Variants in UBE2R2 observed in about 807,000 individuals in gnomAD.
UBE2R2 encodes the protein ubiquitin-conjugating enzyme E2 R2.
In UBE2R2, 1 loss-of-function variant was observed where a neutral mutation model predicts 27.8. The ratio of observed to expected loss-of-function variants is 0.04; its 90% CI spans 0.01 to 0.17. The LOEUF is 0.17. UBE2R2 is among the 10% of genes least tolerant of loss of function. The probability of loss-of-function intolerance (pLI) is 1.00; values close to 1 mark genes in which losing one functional copy is unlikely to be tolerated. For synonymous variants in UBE2R2, 106 were observed against 113.3 expected (o/e 0.94, Z 0.41); for missense variants, 100 against 291.0 (o/e 0.34, Z 4.78).
At chr9:33,899,477 C>G (rs183125654) in intron 2 of UBE2R2, among the ~76,000 whole-genome samples, 1 of 152,108 alleles carries the variant, frequency 6.6e-6, no homozygotes, top group East Asian at 1.9e-4. Context: ...CAGGTTCAAG[C>G]GATTCTCCTG....
intron 1 of UBE2R2, among the ~76,000 whole-genome samples, chr9:33,843,562 T>C (rs1490775074): frequency 6.6e-6 from 1 of 151,994 alleles, no homozygotes; most frequent in Non-Finnish European, 1.5e-5. Flanking sequence ...CACTGCAACC[T>C]CTGCCTCCTG....
chr9:33,818,354 C>G (rs1447247748), intron 1 of UBE2R2, among the ~76,000 whole-genome samples: 1 of 99,054 alleles, frequency 1.0e-5, no homozygotes, highest in Non-Finnish European at 1.8e-5. Flanking sequence ...CTGGATTGGA[C>G]TTTTCTTTTT....
At chr9:33,826,410 GC>G (rs1354601968) in intron 1 of UBE2R2, among the ~76,000 whole-genome samples, 1 of 151,972 alleles carries the variant, frequency 6.6e-6, no homozygotes, top group Admixed American at 6.6e-5. Flanking sequence ...TATTTAAGAT[GC>G]AAAGTGGCTA....
intron 2 of UBE2R2, 69 bp from the exon 3 acceptor site, chr9:33,900,105 T>C: frequency 7.9e-7 from 1 of 1,259,136 alleles, no homozygotes; most frequent in African/African-American, 1.5e-5. Context: ...AAGGAAACTT[T>C]AGAACCGATG....
chr9:33,903,393 C>T (rs1001868606), intron 3 of UBE2R2, among the ~76,000 whole-genome samples: 1 of 152,038 alleles, frequency 6.6e-6, no homozygotes, highest in African/African-American at 2.4e-5. Context: ...GCTGGTTGAA[C>T]GTTGAATCAA....
intron 1 of UBE2R2, among the ~76,000 whole-genome samples, chr9:33,884,636 T>G (rs1258639309): frequency 6.6e-6 from 1 of 152,218 alleles, no homozygotes; most frequent in Admixed American, 6.5e-5. Flanking sequence ...TGAAACACCA[T>G]TCTCATGCTT....
At chr9:33,900,853 C>T (rs1822227601) in intron 3 of UBE2R2, among the ~76,000 whole-genome samples, 1 of 152,148 alleles carries the variant, frequency 6.6e-6, no homozygotes, top group South Asian at 2.1e-4. Flanking sequence ...TAGGCATGAG[C>T]CACTGTGCCC....
intron 3 of UBE2R2, among the ~76,000 whole-genome samples, chr9:33,903,243 GGAT>G (rs1209472502): frequency 1.3e-5 from 2 of 152,020 alleles, no homozygotes; most frequent in Non-Finnish European, 2.9e-5. Context: ...AAAATATTTT[GGAT>G]GATTTGTTGA....
intron 1 of UBE2R2, among the ~76,000 whole-genome samples, chr9:33,877,428 C>G (rs1379172217): frequency 6.6e-6 from 1 of 151,792 alleles, no homozygotes; most frequent in African/African-American, 2.4e-5. Context: ...GTGATCCGCC[C>G]GCCTCAGCCT....
At chr9:33,828,169 G>T (rs1820357055) in intron 1 of UBE2R2, among the ~76,000 whole-genome samples, 1 of 151,262 alleles carries the variant, frequency 6.6e-6, no homozygotes. Flanking sequence ...GGTTGTGGTA[G>T]CACGCGCCTA....
intron 1 of UBE2R2, among the ~76,000 whole-genome samples, chr9:33,826,759 T>C (rs1820324330): frequency 6.6e-6 from 1 of 151,986 alleles, no homozygotes; most frequent in African/African-American, 2.4e-5. Context: ...CTTTATTTGA[T>C]TTAGTAACAA....
intron 1 of UBE2R2, among the ~76,000 whole-genome samples, chr9:33,845,250 CTTTT>C (rs775624392): frequency 7.1e-6 from 1 of 140,102 alleles, no homozygotes; most frequent in Non-Finnish European, 1.6e-5. Flanking sequence ...GTGGCACAAT[CTTTT>C]TTTTTTTTTT....
At chr9:33,849,206 G>A (rs1317966427) in intron 1 of UBE2R2, among the ~76,000 whole-genome samples, 1 of 152,006 alleles carries the variant, frequency 6.6e-6, no homozygotes, top group Non-Finnish European at 1.5e-5. Flanking sequence ...GCGGTGAGCC[G>A]AGATCTCGCC....
At chr9:33,862,329 A>T (rs138596083) in intron 1 of UBE2R2, among the ~76,000 whole-genome samples, 1 of 152,294 alleles carries the variant, frequency 6.6e-6, no homozygotes, top group Non-Finnish European at 1.5e-5. Context: ...GTTGTCATAC[A>T]CACCTCATAT....
rs1199864848 is a variant in UBE2R2 at position 33,892,920 on chromosome 9, AAG to A, written c.264+5955_264+5956del. Reference sequence around the variant, plus strand: ...CCAATAACTTCCTTATTAAAAAAAAAAGAATTTATTGAGATGAAATTCACATA... The same window carrying A: ...CCAATAACTTCCTTATTAAAAAAAAAAATTTATTGAGATGAAATTCACATA... On this transcript the variant is annotated intron_variant, in intron 2 of 4. Coordinates refer to ENST00000263228, the MANE Select transcript of UBE2R2 (RefSeq NM_017811.4). Among the ~76,000 whole-genome samples, 5 of 152,216 alleles carry A rather than the reference AAG, an allele frequency of 3.3e-5. No homozygotes were observed. In the East Asian group the frequency reaches 5.8e-4, roughly 18 times the overall value.
chr9:33,900,963 G>A (rs937943719), intron 3 of UBE2R2, among the ~76,000 whole-genome samples: 1 of 151,868 alleles, frequency 6.6e-6, no homozygotes, highest in African/African-American at 2.4e-5. Flanking sequence ...CTGTGTCTCT[G>A]TCTCTTGTCT....
At chr9:33,877,082 T>C (rs1358567306) in intron 1 of UBE2R2, among the ~76,000 whole-genome samples, 1 of 151,848 alleles carries the variant, frequency 6.6e-6, no homozygotes, top group Non-Finnish European at 1.5e-5. Flanking sequence ...AAGTGGAGGT[T>C]GCAGTGAGCT....
intron 1 of UBE2R2, among the ~76,000 whole-genome samples, chr9:33,824,658 G>A (rs921646975): frequency 2.7e-5 from 4 of 147,920 alleles, no homozygotes; most frequent in Non-Finnish European, 6.0e-5. Flanking sequence ...AAAAAAATTA[G>A]CGGGTGTGAT....
At chr9:33,856,869 C>G (rs10971741) in intron 1 of UBE2R2, among the ~76,000 whole-genome samples, 10,945 of 138,764 alleles carry the variant, frequency 0.079, 645 homozygotes, top group Non-Finnish European at 0.12. Context: ...GTCTGTCCGT[C>G]CTTCCTTCCT....
Sources: gnomAD v4.1 joint callset for allele counts (sites outside exome capture counted in the v4.1 genomes callset) on GRCh38, gnomAD v4.1.1 for gene constraint, MANE v1.5 for transcripts, NCBI Gene and HGNC (gene_info 2026-07-23, HGNC 2026-07-21) for gene names.